KPNA1: variants seen among roughly 807,000 people sequenced by gnomAD.
KPNA1 encodes karyopherin subunit alpha 1, also known as importin subunit alpha-5.
Under a neutral mutation model 70.5 loss-of-function variants are expected in KPNA1, and 10 were observed. The ratio of observed to expected loss-of-function variants is 0.14; its 90% CI spans 0.09 to 0.24. KPNA1 has a LOEUF of 0.24. Ranked by LOEUF, KPNA1 falls within the 10% of genes least tolerant of loss-of-function variation. The pLI is 1.00. For synonymous variants in KPNA1, 192 were observed against 221.9 expected, an observed-to-expected ratio of 0.87 and a Z score of 1.20; for missense variants, 397 against 637.9, an observed-to-expected ratio of 0.62 and a Z score of 4.07.
In KPNA1 at chr3:122,451,593, C is replaced by T. The variant is rs376884067; in HGVS notation, c.694G>A (p.Ala232Thr). The T allele has an allele frequency of 2.5e-6, 4 of 1,614,018 alleles. No homozygotes were observed. Among genetic ancestry groups the T allele is most frequent in the Non-Finnish European group, 3.4e-6 (4 of 1,179,982 alleles). Residue 232 changes from alanine to threonine, a missense_variant, in exon 8 of 14, where the codon GCA (alanine) becomes ACA (threonine). Physicochemically the swap from Ala to Thr is moderately conservative, Grantham distance 58 (BLOSUM62 0). Coordinates refer to ENST00000344337, the MANE Select transcript of KPNA1 (RefSeq NM_002264.4). The part of the protein sequence containing the change: ...KQNRLTMTRN[A>T]VWALSNLCRG... ...CAGAGATTAGACAAAGCCCATACTG[C>T]ATTCCGGGTCATGGTCAGGCGGTTT...
intron 12 of KPNA1, among the ~76,000 whole-genome samples, chr3:122,432,163 A>C (rs1473993281): frequency 6.6e-6 from 1 of 152,182 alleles, no homozygotes; most frequent in Non-Finnish European, 1.5e-5. Flanking sequence ...AATAACTATA[A>C]ATGTGAATTT....
intron 2 of KPNA1, among the ~76,000 whole-genome samples, chr3:122,493,380 C>T (rs2076721996): frequency 6.6e-6 from 1 of 150,590 alleles, no homozygotes; most frequent in Non-Finnish European, 1.5e-5. Flanking sequence ...GTATGTGTAG[C>T]TCCCAGCCAT....
chr3:122,494,888 C>A (rs2076739955), intron 2 of KPNA1, among the ~76,000 whole-genome samples: 1 of 152,050 alleles, frequency 6.6e-6, no homozygotes, highest in Non-Finnish European at 1.5e-5. Flanking sequence ...AGACCTATAC[C>A]TACCTGGGTT....
chr3:122,450,095 C>T (rs2076182464), intron 8 of KPNA1, among the ~76,000 whole-genome samples: 1 of 152,008 alleles, frequency 6.6e-6, no homozygotes, highest in South Asian at 2.1e-4. Flanking sequence ...TTGTTAAAGA[C>T]CAAAAATGCT....
intron 4 of KPNA1, among the ~76,000 whole-genome samples, 185 bp from the exon 5 acceptor site, chr3:122,461,503 C>T (rs2076323696): frequency 6.6e-6 from 1 of 151,992 alleles, no homozygotes; most frequent in Admixed American, 6.6e-5. Flanking sequence ...AAATGTTTCA[C>T]AATGAAGACA....
At chr3:122,511,751 A>T (rs1003224636) in intron 1 of KPNA1, among the ~76,000 whole-genome samples, 2 of 152,186 alleles carry the variant, frequency 1.3e-5, no homozygotes, top group African/African-American at 4.8e-5. Context: ...ATACCTTAAA[A>T]CAAAACAAGG....
intron 5 of KPNA1, chr3:122,460,055 T>C (rs2076306158): frequency 1.0e-6 from 1 of 985,428 alleles, no homozygotes; most frequent in Non-Finnish European, 1.2e-6. Flanking sequence ...GGCAAATATT[T>C]ACTTAGAAAG....
chr3:122,459,964 C>G (rs2076305011), intron 5 of KPNA1: 1 of 985,236 alleles, frequency 1.0e-6, no homozygotes, highest in African/African-American at 1.7e-5. Context: ...AACAAAAATG[C>G]CCCAGTGTCT....
rs760663646 is a variant in KPNA1 at position 122,438,463 on chromosome 3, C to T, written c.997-1168G>A. ...GCGCAATGGCACAATCTCTGCTCAC[C>T]GCAACCTCCGCCTCCTGGGTTCAAG... On this transcript the variant is annotated intron_variant, in intron 10 of 13. Transcript: ENST00000344337. Among the ~76,000 whole-genome samples the T allele has an allele frequency of 9.2e-5, 14 of 152,022 alleles. No homozygotes were observed. In the East Asian group the frequency reaches 1.2e-3, roughly 13 times the overall value.
intron 3 of KPNA1, chr3:122,464,278 G>A: frequency 2.8e-6 from 1 of 354,296 alleles, no homozygotes; most frequent in Non-Finnish European, 5.0e-6. Flanking sequence ...TAGTAAATAA[G>A]ACAAGGAGCT....
chr3:122,446,492 A>C (rs1018783051), intron 9 of KPNA1, among the ~76,000 whole-genome samples: 3 of 152,254 alleles, frequency 2.0e-5, no homozygotes. Flanking sequence ...AAGACACAAC[A>C]TACCAGAATC....
At chr3:122,474,668 A>C (rs2076478003) in intron 2 of KPNA1, among the ~76,000 whole-genome samples, 1 of 152,196 alleles carries the variant, frequency 6.6e-6, no homozygotes, top group Admixed American at 6.5e-5. Flanking sequence ...ATTCAATATG[A>C]ACATGTAGGA....
At chr3:122,452,709 C>T (rs1221759892) in intron 6 of KPNA1, among the ~76,000 whole-genome samples, 2 of 80,546 alleles carry the variant, frequency 2.5e-5, no homozygotes, top group African/African-American at 5.6e-5. Context: ...GACGGAGAGA[C>T]GGAGGGAAGG....
At position 122,496,532 on chromosome 3, in the gene KPNA1, T is replaced by G. The variant is rs1245476506; in HGVS notation, c.34A>C (p.Lys12Gln). The G allele has an allele frequency of 3.1e-6, 5 of 1,614,044 alleles. No individual in the cohort carries two copies. The highest frequency in any genetic ancestry group is 4.2e-6 in the Non-Finnish European group (5 of 1,179,896). ...TTPGKENFRL[K>Q]SYKNKSLNPD... ...TTCAGAGATTTGTTCTTGTAACTTTTCAGGCGAAAGTTCTCTTTTCCTGGG... is the reference window on the plus strand; with the variant it reads ...TTCAGAGATTTGTTCTTGTAACTTTGCAGGCGAAAGTTCTCTTTTCCTGGG... The change falls in exon 2 of 14, where the codon AAA (lysine) becomes CAA (glutamine). Residue 12 changes from lysine (K) to glutamine (Q), a missense_variant. By Grantham distance (53) the Lys-to-Gln change is moderately conservative. Transcript: ENST00000344337.
At chr3:122,509,001 T>A (rs757413620) in intron 1 of KPNA1, among the ~76,000 whole-genome samples, 3 of 152,130 alleles carry the variant, frequency 2.0e-5, no homozygotes, top group Non-Finnish European at 2.9e-5. Context: ...ATCCCAGCAC[T>A]TTGGGAAGCC....
chr3:122,455,058 C>T (rs1292139655), intron 5 of KPNA1, among the ~76,000 whole-genome samples: 1 of 152,166 alleles, frequency 6.6e-6, no homozygotes, highest in Non-Finnish European at 1.5e-5. Context: ...AATTCCATGG[C>T]ATGTCCTTTA....
intron 5 of KPNA1, among the ~76,000 whole-genome samples, 164 bp downstream of exon 5, chr3:122,461,060 T>G (rs546072597): frequency 6.6e-6 from 1 of 152,294 alleles, no homozygotes; most frequent in South Asian, 2.1e-4. Flanking sequence ...AAGGCCTACA[T>G]GTTAACAAAG....
Position 122,423,981 on chromosome 3 carries a change from CTG to C in KPNA1, c.*3002_*3003del, listed in dbSNP as rs1174378739. The C allele has an allele frequency of 6.6e-6, 1 of 152,158 alleles. No homozygotes were observed. Among genetic ancestry groups the C allele is most frequent in the Non-Finnish European group, 1.5e-5 (1 of 68,028 alleles). 9.4% of individuals were successfully genotyped at this position (152,158 alleles called of 1,614,324 possible). A position where few individuals can be genotyped will look rare whatever the true frequency, so the allele number is the denominator to read the frequency against. On this transcript the variant is annotated 3_prime_UTR_variant, in exon 14 of 14. Coordinates refer to ENST00000344337, the MANE Select transcript of KPNA1 (RefSeq NM_002264.4). The stretch of plus-strand genomic sequence containing the variant: ...ATGAAAGAAAGTGTTCCACAGAGAA[CTG>C]TGTCTCCTAAAATCTCTTTCTTCTA...
chr3:122,460,807 GAATT>G (rs1254628191), intron 5 of KPNA1: 3 of 294,452 alleles, frequency 1.0e-5, no homozygotes, highest in Admixed American at 6.5e-5. Flanking sequence ...GGTGGAGGAA[GAATT>G]AATTAGGAAC....
Sources: allele counts gnomAD v4.1 joint callset (sites outside exome capture counted in the v4.1 genomes callset), GRCh38; gene constraint gnomAD v4.1.1; transcripts MANE v1.5; gene names NCBI Gene and HGNC (gene_info 2026-07-23, HGNC 2026-07-21).